TUT1: variants seen among roughly 807,000 people sequenced by gnomAD.
TUT1 encodes the protein speckle targeted PIP5K1A-regulated poly(A) polymerase.
Under a neutral mutation model 48.8 loss-of-function variants are expected in TUT1, and 26 were observed. The observed-to-expected ratio is 0.53, with a 90% CI of 0.39 to 0.74. The LOEUF is 0.74. Ranked by LOEUF, TUT1 falls within the 30% of genes least tolerant of loss-of-function variation. TUT1 has a pLI of 0.00. For synonymous variants in TUT1, 470 were observed against 460.8 expected, an observed-to-expected ratio of 1.02 and a Z score of -0.26; for missense variants, 1,065 against 1,114.8, an observed-to-expected ratio of 0.96 and a Z score of 0.64.
rs1590715650 is a variant in TUT1 at position 62,576,301 on chromosome 11, A to G, written c.1475-57T>C. ...GTCACTTAGAGGCCAGAACTGATAC[A>G]GGTCCTGCACCAGAGCCATTTCCTT... On this transcript the variant is annotated intron_variant, in intron 8 of 8. Coordinates refer to ENST00000476907, the MANE Select transcript of TUT1 (RefSeq NM_022830.3). The G allele has an allele frequency of 1.1e-5, 16 of 1,463,524 alleles. 1 individual carries two copies. In the East Asian group the frequency reaches 2.7e-4, roughly 24 times the overall value. The allele number at this position is 1,463,524 out of a possible 1,614,324, so 90.7% of individuals were successfully genotyped here.
chr11:62,581,737 A>G, intron 2 of TUT1, 36 bp from the exon 3 acceptor site: 4 of 1,386,802 alleles, frequency 2.9e-6, no homozygotes, highest in South Asian at 3.5e-5. Flanking sequence ...ATGATTTTGG[A>G]ACCAAGAATC....
At chr11:62,576,597 T>C (rs1381508452) in intron 8 of TUT1, 60 bp downstream of exon 8, 4 of 1,413,346 alleles carry the variant, frequency 2.8e-6, no homozygotes, top group Non-Finnish European at 4.0e-6. Flanking sequence ...TAGTGTGATA[T>C]ATGTTACCTA....
intron 4 of TUT1, among the ~76,000 whole-genome samples, chr11:62,579,879 T>C (rs538000702): frequency 4.1e-4 from 58 of 141,578 alleles, no homozygotes; most frequent in Admixed American, 2.9e-3. Flanking sequence ...TTGGCCAGGC[T>C]GGTCTCAAAC....
Position 62,575,158 on chromosome 11 carries a change from A to G in TUT1, c.2561T>C (p.Leu854Pro). The change falls in exon 9 of 9, where the codon CTG becomes CCG. Residue 854 changes from leucine (L) to proline (P), a missense_variant. Coordinates refer to ENST00000476907, the MANE Select transcript of TUT1 (RefSeq NM_022830.3). ...TVTPLQDPQG[L>P]FPDLHHFLQV... ...TAAGAAATGATGGAGATCAGGGAAC[A>G]GGCCTTGGGGATCCTGGAGCGGGGT... 1 of 1,602,260 alleles carries G rather than the reference A, an allele frequency of 6.2e-7. No individual in the cohort carries two copies. The highest frequency in any genetic ancestry group is 8.5e-7 in the Non-Finnish European group (1 of 1,171,636).
intron 1 of TUT1, among the ~76,000 whole-genome samples, chr11:62,590,811 C>CAA (rs34251910): frequency 6.1e-4 from 85 of 139,878 alleles, no homozygotes; most frequent in Non-Finnish European, 7.6e-4. Flanking sequence ...GACCTTGTCT[C>CAA]AAAAAAAAAA....
chr11:62,577,639 C>A, intron 5 of TUT1, among the ~76,000 whole-genome samples: 1 of 148,320 alleles, frequency 6.7e-6, no homozygotes, highest in African/African-American at 2.5e-5. Flanking sequence ...GAAACAAAGA[C>A]AGGAAAAGAG....
rs746191567 is a variant in TUT1 at position 62,575,548 on chromosome 11, G to A, written c.2171C>T (p.Pro724Leu). 1 of 1,613,910 alleles carries A rather than the reference G, an allele frequency of 6.2e-7. No individual in the cohort carries two copies. The highest frequency in any genetic ancestry group is 8.5e-7 in the Non-Finnish European group (1 of 1,180,028). Reference sequence around the variant, plus strand: ...GTGGCTGGGCTGCCCCTCTTCTCCAGGGGCTCCATGCTTTCCAGTGGTCAG... The same window carrying A: ...GTGGCTGGGCTGCCCCTCTTCTCCAAGGGCTCCATGCTTTCCAGTGGTCAG... ...LPLTTGKHGA[P>L]GEEGQPSHAA... The change falls in exon 9 of 9, where the codon CCT becomes CTT. Residue 724 changes from proline to leucine, a missense_variant. Pro to Leu is a moderately conservative substitution (Grantham distance 98). Transcript: ENST00000476907.
chr11:62,578,153 C>T (rs1941760748), intron 5 of TUT1, among the ~76,000 whole-genome samples: 1 of 151,310 alleles, frequency 6.6e-6, no homozygotes, highest in South Asian at 2.1e-4. Context: ...AGATAAGGGA[C>T]AGAAAGAGGG....
At chr11:62,584,040 C>T (rs1448996477) in intron 2 of TUT1, among the ~76,000 whole-genome samples, 6 of 151,748 alleles carry the variant, frequency 4.0e-5, no homozygotes, top group Admixed American at 1.3e-4. Flanking sequence ...AAGGATAAGG[C>T]GTTTCTTTTT....
chr11:62,590,120 G>C (rs1269284861), intron 1 of TUT1, among the ~76,000 whole-genome samples: 1 of 152,246 alleles, frequency 6.6e-6, no homozygotes, highest in Non-Finnish European at 1.5e-5. Flanking sequence ...TGGCTTACTG[G>C]ATGAACAGTG....
chr11:62,585,179 G>A (rs574468728), intron 2 of TUT1, among the ~76,000 whole-genome samples: 1 of 152,252 alleles, frequency 6.6e-6, no homozygotes, highest in South Asian at 2.1e-4. Context: ...GGAGTGCAGT[G>A]ATGTGATTAT....
chr11:62,577,562 G>A (rs1333487380), intron 5 of TUT1, among the ~76,000 whole-genome samples: 2 of 149,338 alleles, frequency 1.3e-5, no homozygotes, highest in African/African-American at 2.5e-5. Context: ...TCCAGCCTGG[G>A]TGACAGAGCA....
At position 62,590,246 on chromosome 11, in the gene TUT1, A is replaced by G. The variant is rs527892879; in HGVS notation, c.83-1025T>C. On this transcript the variant is annotated intron_variant, in intron 1 of 8. Coordinates refer to ENST00000476907, the MANE Select transcript of TUT1 (RefSeq NM_022830.3). ...ATTGGCTCACGCCTGTAATCCCAGCACTTTGGGAGGCCAAGATGGGAAGAT... is the reference window on the plus strand; with the variant it reads ...ATTGGCTCACGCCTGTAATCCCAGCGCTTTGGGAGGCCAAGATGGGAAGAT... 1.2e-4 allele frequency among the ~76,000 whole-genome samples: 19 copies of G among 152,364 alleles called. No individual in the cohort carries two copies. In the East Asian group the frequency reaches 2.5e-3, roughly 20 times the overall value.
intron 1 of TUT1, among the ~76,000 whole-genome samples, chr11:62,590,154 GA>G (rs1565040544): frequency 6.6e-6 from 1 of 152,250 alleles, no homozygotes; most frequent in African/African-American, 2.4e-5. Flanking sequence ...CAGTGAAAAG[GA>G]AGAATGGAAG....
Position 62,578,628 on chromosome 11 carries a change from G to A in TUT1, c.1093C>T (p.Arg365Trp), listed in dbSNP as rs74880489. 24 of 1,613,984 alleles carry A rather than the reference G, an allele frequency of 1.5e-5. No homozygotes were observed. Among genetic ancestry groups the A allele is most frequent in the East Asian group, 4.5e-5 (2 of 44,886 alleles). ...VYRVQTVPSA[R>W]RPVVKFCHRP... ...TGACAGAACTTGACCACAGGGCGCC[G>A]GGCAGAGGGCACAGTTTGGACTCGA... Residue 365 changes from arginine (R) to tryptophan (W), a missense_variant, in exon 5 of 9, where the codon CGG becomes TGG. Arg to Trp is a moderately radical substitution (Grantham distance 101). Coordinates refer to ENST00000476907, the MANE Select transcript of TUT1 (RefSeq NM_022830.3).
In TUT1 at chr11:62,578,878, A is replaced by G. The variant is rs762524594; in HGVS notation, c.843T>C (p.Pro281=). ...GAGTTTGGGGCGCCAGGGAGGAGGA[A>G]GGGGTTTCAAAGTCCAGGGCTTCAG... ...QDSEALDFET[P]SSSLAPQTPD... The change falls in exon 5 of 9, where the codon CCT becomes CCC. Residue 281 remains proline (P), a synonymous_variant. Transcript: ENST00000476907. The G allele has an allele frequency of 2.4e-5, 38 of 1,609,572 alleles. No homozygotes were observed. The African/African-American group carries it at 4.3e-4, about 18-fold the overall frequency.
intron 4 of TUT1, among the ~76,000 whole-genome samples, chr11:62,579,361 T>C (rs1295371708): frequency 3.9e-5 from 6 of 152,202 alleles, no homozygotes; most frequent in Admixed American, 2.0e-4. Flanking sequence ...TACATCTGTG[T>C]CAATGTAACA....
chr11:62,580,181 G>A (rs374266460), intron 4 of TUT1, among the ~76,000 whole-genome samples: 114 of 152,114 alleles, frequency 7.5e-4, no homozygotes, highest in African/African-American at 2.3e-3. Context: ...TTAAGTGGCC[G>A]GGCATGGTAG....
At chr11:62,589,840 G>A (rs1304872018) in intron 1 of TUT1, among the ~76,000 whole-genome samples, 1 of 152,168 alleles carries the variant, frequency 6.6e-6, no homozygotes, top group Admixed American at 6.5e-5. Flanking sequence ...AAATTACATT[G>A]CCCAAGTTCA....
Sources: allele counts gnomAD v4.1 joint callset (sites outside exome capture counted in the v4.1 genomes callset), GRCh38; gene constraint gnomAD v4.1.1; transcripts MANE v1.5; gene names NCBI Gene and HGNC (gene_info 2026-07-23, HGNC 2026-07-21).